ZNF354A: variants seen among roughly 807,000 people sequenced by gnomAD.
ZNF354A encodes the protein zinc finger protein 354A.
ZNF354A carries 25 observed loss-of-function variants against 53.3 expected under a neutral mutation model. The observed-to-expected ratio is 0.47, with a 90% confidence interval of 0.34 to 0.66. ZNF354A has a LOEUF of 0.66. Among genes scored for constraint, ZNF354A ranks in the 30% least tolerant of loss-of-function variants. The pLI, the probability that ZNF354A is intolerant of heterozygous loss-of-function variation, is 0.01. For synonymous variants in ZNF354A, 228 were observed against 249.0 expected, an observed-to-expected ratio of 0.92 and a Z score of 0.79; for missense variants, 586 against 716.8, an observed-to-expected ratio of 0.82 and a Z score of 2.08.
rs201921352 is a variant in ZNF354A at position 178,713,345 on chromosome 5, T to C, written c.533A>G (p.Gln178Arg). 40 of 1,614,078 alleles carry C rather than the reference T, an allele frequency of 2.5e-5. No homozygotes were observed. Among genetic ancestry groups the C allele is most frequent in the Non-Finnish European group, 3.4e-5 (40 of 1,180,038 alleles). Residue 178 changes from glutamine (Q) to arginine (R), a missense_variant, in exon 5 of 5, where the codon CAG becomes CGG. Transcript: ENST00000335815. ...TGGTGTTTTTTCTCTGGGAAGTATC[T>C]GTTGCCTAATAAGCACTGACTTTGG... ...FSPKSVLIRQQILPREKTPPK... is the reference protein window; with the variant it reads ...FSPKSVLIRQRILPREKTPPK...
rs141836337 is a variant in ZNF354A, at chr5:178,722,943, C to T, written c.256+2433G>A. Among the ~76,000 whole-genome samples, 34 of 152,282 alleles carry T rather than the reference C, an allele frequency of 2.2e-4. 1 individual carries two copies. The East Asian group carries it at 5.0e-3, about 23-fold the overall frequency. ...TGAGCGAGCCACATGGACGCATGAC[C>T]GCCACGAAGAACAGTCCCAGACAGA... is the stretch of plus-strand genomic sequence containing the variant. On this transcript the variant is annotated intron_variant, in intron 4 of 4. Coordinates refer to ENST00000335815, the MANE Select transcript of ZNF354A (RefSeq NM_005649.3).
At chr5:178,719,634 G>A (rs1765772373) in intron 4 of ZNF354A, among the ~76,000 whole-genome samples, 1 of 152,236 alleles carries the variant, frequency 6.6e-6, no homozygotes, top group African/African-American at 2.4e-5. Context: ...GCTAGTCAGA[G>A]TAAAAGCTCC....
intron 4 of ZNF354A, among the ~76,000 whole-genome samples, chr5:178,723,610 C>G (rs1342736372): frequency 6.6e-6 from 1 of 152,238 alleles, no homozygotes; most frequent in Non-Finnish European, 1.5e-5. Flanking sequence ...TCTCACAGCA[C>G]CGAGTGTCTT....
chr5:178,725,176 AAAC>A lies in ZNF354A; in HGVS notation c.256+197_256+199del, dbSNP rs765219463. ...TACATGAAAATACAGCCCTATTCTA[AAAC>A]AACAGGAAAGAGTAAGAAAGAGATT... On this transcript the variant is annotated intron_variant, in intron 4 of 4. Coordinates refer to ENST00000335815, the MANE Select transcript of ZNF354A (RefSeq NM_005649.3). 3.9e-5 allele frequency among the ~76,000 whole-genome samples: 6 copies of A among 152,224 alleles called. No individual in the cohort carries two copies. In the South Asian group the frequency reaches 1.0e-3, roughly 26 times the overall value.
chr5:178,717,788 G>C (rs568516366), intron 4 of ZNF354A, among the ~76,000 whole-genome samples: 1 of 152,256 alleles, frequency 6.6e-6, no homozygotes, highest in South Asian at 2.1e-4. Context: ...GGAGAGTACA[G>C]TGTTCCAGAA....
At chr5:178,726,832 C>T (rs1179555439) in intron 3 of ZNF354A, among the ~76,000 whole-genome samples, 167 bp downstream of exon 3, 1 of 152,280 alleles carries the variant, frequency 6.6e-6, no homozygotes, top group Non-Finnish European at 1.5e-5. Context: ...CAATTTCATG[C>T]CTATAAGGGG....
At chr5:178,724,349 G>A (rs566816318) in intron 4 of ZNF354A, among the ~76,000 whole-genome samples, 20 of 151,684 alleles carry the variant, frequency 1.3e-4, no homozygotes, top group South Asian at 1.3e-3. Context: ...CTCAGCCTCC[G>A]GAGTAGCTGG....
At chr5:178,728,721 T>C (rs113491152) in intron 2 of ZNF354A, among the ~76,000 whole-genome samples, 35,144 of 139,600 alleles carry the variant, frequency 0.25, 5,010 homozygotes, top group South Asian at 0.35. Flanking sequence ...TGCTTCAACC[T>C]GGGAGGCAGA....
At chr5:178,721,451 T>C (rs62392839) in intron 4 of ZNF354A, among the ~76,000 whole-genome samples, 37,712 of 152,170 alleles carry the variant, frequency 0.25, 5,182 homozygotes, top group South Asian at 0.39. Context: ...TAGGCTATCA[T>C]TGACTGAAAC....
At chr5:178,719,610 C>G (rs977026513) in intron 4 of ZNF354A, among the ~76,000 whole-genome samples, 1 of 152,212 alleles carries the variant, frequency 6.6e-6, no homozygotes, top group African/African-American at 2.4e-5. Flanking sequence ...TATCCACCCC[C>G]ACCTTATCCT....
Position 178,712,471 on chromosome 5 carries a change from T to A in ZNF354A, c.1407A>T (p.Lys469Asn), listed in dbSNP as rs1185534462. 4 of 1,613,852 alleles carry A rather than the reference T, an allele frequency of 2.5e-6. No homozygotes were observed. Among genetic ancestry groups the A allele is most frequent in the Non-Finnish European group, 3.4e-6 (4 of 1,179,910 alleles). The change falls in exon 5 of 5, where the codon AAA (lysine) becomes AAT (asparagine). Residue 469 changes from lysine (K) to asparagine (N), a missense_variant. By Grantham distance (94) the Lys-to-Asn change is moderately conservative. Coordinates refer to ENST00000335815, the MANE Select transcript of ZNF354A (RefSeq NM_005649.3). ...IHTGEKPCKC[K>N]VCGKAFRQSS... Reference sequence around the variant, plus strand: ...TCTGTCTGAAGGCTTTTCCACATACTTTACATTTACATGGTTTTTCTCCAG... The same window carrying A: ...TCTGTCTGAAGGCTTTTCCACATACATTACATTTACATGGTTTTTCTCCAG...
Position 178,712,110 on chromosome 5 carries a change from T to G in ZNF354A, c.1768A>C (p.Arg590=). The G allele has an allele frequency of 6.2e-7, 1 of 1,612,916 alleles. No homozygotes were observed. The change falls in exon 5 of 5, where the codon AGG becomes CGG. Residue 590 remains arginine, a synonymous_variant. Transcript: ENST00000335815. ...CNTCGKLFNH[R]SSLTNHYKIH... is the part of the protein sequence containing the mutation. Reference sequence around the variant, plus strand: ...TTATAATGATTAGTAAGGGATGACCTATGGTTGAAAAGTTTCCCACATGTA... The same window carrying G: ...TTATAATGATTAGTAAGGGATGACCGATGGTTGAAAAGTTTCCCACATGTA...
In ZNF354A at chr5:178,713,088, G is replaced by C; in HGVS notation, c.790C>G (p.His264Asp). The change falls in exon 5 of 5, where the codon CAT (histidine) becomes GAT (aspartate). Residue 264 changes from histidine (H) to aspartate (D), a missense_variant. By Grantham distance (81) the His-to-Asp change is moderately conservative. Around this residue, in one of 2 missense-constraint regions of ZNF354A, gnomAD observed 573 missense variants for 680.1 expected, o/e 0.84. Coordinates refer to ENST00000335815, the MANE Select transcript of ZNF354A (RefSeq NM_005649.3). ...CATATGTAGGGTTTCTCTCCAGTAT[G>C]CGTTATTTGATGTTGAATAAGAGCT... ...SSALIQHQIT[H>D]TGEKPYICKE... is the part of the protein sequence containing the mutation. The C allele has an allele frequency of 1.2e-6, 2 of 1,613,908 alleles. No homozygotes were observed. Among genetic ancestry groups the C allele is most frequent in the Non-Finnish European group, 1.7e-6 (2 of 1,179,874 alleles).
chr5:178,716,943 G>A (rs1177831935), intron 4 of ZNF354A, among the ~76,000 whole-genome samples: 1 of 151,918 alleles, frequency 6.6e-6, no homozygotes, highest in Non-Finnish European at 1.5e-5. Flanking sequence ...GCCGGGTGTG[G>A]TGGCACACGC....
chr5:178,726,105 G>A (rs1409349698), intron 3 of ZNF354A: 4 of 445,706 alleles, frequency 9.0e-6, no homozygotes, highest in Non-Finnish European at 1.8e-5. Flanking sequence ...GCCTCCCAAA[G>A]TGCTGGGATT....
intron 4 of ZNF354A, among the ~76,000 whole-genome samples, chr5:178,719,299 C>T (rs969612973): frequency 1.3e-5 from 2 of 152,168 alleles, no homozygotes; most frequent in Admixed American, 1.3e-4. Context: ...TATAGTCAGA[C>T]ATTAGAAATG....
chr5:178,723,453 T>C (rs764304092), intron 4 of ZNF354A, among the ~76,000 whole-genome samples: 3 of 152,226 alleles, frequency 2.0e-5, no homozygotes, highest in Non-Finnish European at 4.4e-5. Context: ...CGTGGCTCTC[T>C]CTCGGGTGCT....
In ZNF354A at chr5:178,727,058, G is replaced by T. The variant is rs538487856; in HGVS notation, c.101C>A (p.Ser34Tyr). 130 of 1,614,086 alleles carry T rather than the reference G, an allele frequency of 8.1e-5. No individual in the cohort carries two copies. In the Admixed American group the frequency reaches 9.2e-4, roughly 11 times the overall value. The change falls in exon 3 of 5, where the codon TCT becomes TAT. Residue 34 changes from serine (S) to tyrosine (Y), a missense_variant. This residue lies in a region of ZNF354A where 573 missense variants were observed against 680.1 expected (regional missense o/e 0.84). Transcript: ENST00000335815. ...TRDEWRKLAP[S>Y]QRNLYRDVML... Reference sequence around the variant, plus strand: ...CACATCCCGGTACAAGTTTCTCTGAGAAGGGGCCAGCTTTCTCCACTCATC... The same window carrying T: ...CACATCCCGGTACAAGTTTCTCTGATAAGGGGCCAGCTTTCTCCACTCATC...
intron 4 of ZNF354A, among the ~76,000 whole-genome samples, chr5:178,717,600 GA>G (rs1765738875): frequency 6.6e-6 from 1 of 152,082 alleles, no homozygotes. Context: ...TGCCTTAATA[GA>G]GTTGCAGGAA....
Sources: gnomAD v4.1 joint callset for allele counts (sites outside exome capture counted in the v4.1 genomes callset) on GRCh38, gnomAD v4.1.1 for gene constraint, gnomAD v4.1.1 regional missense constraint, MANE v1.5 for transcripts, NCBI Gene and HGNC (gene_info 2026-07-23, HGNC 2026-07-21) for gene names.